Variants in UBE3C observed in about 807,000 individuals in gnomAD.
UBE3C encodes ubiquitin protein ligase E3C, also known as ubiquitin-protein ligase E3C.
UBE3C carries 42 observed loss-of-function variants against 129.4 expected under a neutral mutation model. The ratio of observed to expected loss-of-function variants is 0.32; its 90% CI spans 0.25 to 0.42. The LOEUF is 0.42. UBE3C is among the 10% of genes least tolerant of loss of function. The pLI, the probability that UBE3C is intolerant of heterozygous loss-of-function variation, is 1.00. For synonymous variants in UBE3C, 510 were observed against 492.4 expected, an observed-to-expected ratio of 1.04 and a Z score of -0.47; for missense variants, 1,049 against 1,319.1, an observed-to-expected ratio of 0.80 and a Z score of 3.17.
At chr7:157,207,999 T>A in intron 13 of UBE3C, 64 bp downstream of exon 13, 1 of 1,125,462 alleles carries the variant, frequency 8.9e-7, no homozygotes, top group Non-Finnish European at 1.2e-6. Context: ...TTGTCTTGAC[T>A]CGTTGCAGAG....
In UBE3C at chr7:157,174,938, TAATTAA is replaced by T; in HGVS notation, c.364_369del (p.Ile122_Lys123del). The T allele has an allele frequency of 6.2e-7, 1 of 1,611,386 alleles. No individual in the cohort carries two copies. Among genetic ancestry groups the T allele is most frequent in the Non-Finnish European group, 8.5e-7 (1 of 1,178,968 alleles). ...TTTCAGATATGGCTGTATCAGAACT[TAATTAA>T]ACACAGCTCTCTGTTTGTCAAGCAG... On this transcript the variant is annotated inframe_deletion, in exon 5 of 23. Coordinates refer to ENST00000348165, the MANE Select transcript of UBE3C (RefSeq NM_014671.3).
intron 16 of UBE3C, among the ~76,000 whole-genome samples, chr7:157,224,205 A>AT (rs1338074498): frequency 1.3e-5 from 2 of 150,948 alleles, no homozygotes; most frequent in East Asian, 2.0e-4. Context: ...TTTGTTTTTT[A>AT]TTTTTTTTGA....
chr7:157,237,734 A>G (rs943225240), intron 18 of UBE3C, among the ~76,000 whole-genome samples: 9 of 152,094 alleles, frequency 5.9e-5, no homozygotes, highest in Non-Finnish European at 1.2e-4. Flanking sequence ...TTATTTGTGC[A>G]ATAAAGACAA....
intron 21 of UBE3C, among the ~76,000 whole-genome samples, chr7:157,255,388 C>T (rs1250807312): frequency 6.6e-6 from 1 of 152,174 alleles, no homozygotes; most frequent in Non-Finnish European, 1.5e-5. Flanking sequence ...TCTAAACTTA[C>T]AAAAAATCAT....
At chr7:157,159,598 T>C (rs1808012662) in intron 1 of UBE3C, among the ~76,000 whole-genome samples, 1 of 152,222 alleles carries the variant, frequency 6.6e-6, no homozygotes, top group African/African-American at 2.4e-5. Flanking sequence ...CTGGGTGCGA[T>C]GGCTCATGCC....
At chr7:157,160,785 G>T (rs754069641) in intron 1 of UBE3C, among the ~76,000 whole-genome samples, 2 of 152,090 alleles carry the variant, frequency 1.3e-5, no homozygotes, top group African/African-American at 2.4e-5. Context: ...GTGTTTTTCT[G>T]TTTTCTGCTT....
intron 19 of UBE3C, among the ~76,000 whole-genome samples, chr7:157,251,329 C>G (rs1796616164): frequency 6.6e-6 from 1 of 152,126 alleles, no homozygotes. Flanking sequence ...GGCTGTTAAT[C>G]TGTTTAATAG....
intron 18 of UBE3C, among the ~76,000 whole-genome samples, chr7:157,240,913 A>G (rs1485456310): frequency 6.6e-6 from 1 of 152,240 alleles, no homozygotes; most frequent in Admixed American, 6.5e-5. Context: ...GATGTCACCA[A>G]AAATTATCAC....
At chr7:157,165,752 T>C (rs565188919) in intron 2 of UBE3C, among the ~76,000 whole-genome samples, 1 of 152,342 alleles carries the variant, frequency 6.6e-6, no homozygotes, top group African/African-American at 2.4e-5. Flanking sequence ...ATTTCAGTTC[T>C]AGAATTTTCT....
At chr7:157,189,629 T>G (rs1808899619) in intron 10 of UBE3C, among the ~76,000 whole-genome samples, 1 of 152,196 alleles carries the variant, frequency 6.6e-6, no homozygotes. Context: ...TCCTGGCCTT[T>G]GTGTGTATTT....
chr7:157,182,326 T>A lies in UBE3C; in HGVS notation c.989T>A (p.Leu330Ter). ...GTTTTAACTGTTGGCGAAAATTATTTGGGTATGAAATACAAGATCTTTTTT... is the reference window on the plus strand; with the variant it reads ...GTTTTAACTGTTGGCGAAAATTATTAGGGTATGAAATACAAGATCTTTTTT... ...YFVLTVGENY[L>*]GALSEEGLLV... The change falls in exon 8 of 23, where the codon TTG becomes TAG. Residue 330 changes from leucine to a stop codon, truncating the protein, a stop_gained and splice_region_variant. Coordinates refer to ENST00000348165, the MANE Select transcript of UBE3C (RefSeq NM_014671.3). LOFTEE classifies it high-confidence loss of function. 1 of 1,613,258 alleles carries A rather than the reference T, an allele frequency of 6.2e-7. No individual in the cohort carries two copies. The highest frequency in any genetic ancestry group is 8.5e-7 in the Non-Finnish European group (1 of 1,179,826).
In UBE3C at chr7:157,171,708, T is replaced by A. The variant is rs1259591158; in HGVS notation, c.342+1258T>A. ...TATATTTTTTTTTTTTTTTTTTTTTTTTTTTTTTTTTTTTTTGAGACAGAG... is the reference window on the plus strand; with the variant it reads ...TATATTTTTTTTTTTTTTTTTTTTTATTTTTTTTTTTTTTTTGAGACAGAG... On this transcript the variant is annotated intron_variant, in intron 4 of 22. Coordinates refer to ENST00000348165, the MANE Select transcript of UBE3C (RefSeq NM_014671.3). Among the ~76,000 whole-genome samples the A allele has an allele frequency of 5.5e-3, 289 of 52,192 alleles. 16 individuals carry two copies. Among genetic ancestry groups the A allele is most frequent in the African/African-American group, 0.022 (179 of 8,036 alleles). The allele number at this position is 52,192 out of a possible 152,430, so 34.2% of individuals were successfully genotyped here.
At chr7:157,254,209 A>G in intron 20 of UBE3C, 35 bp from the exon 21 acceptor site, 2 of 1,609,744 alleles carry the variant, frequency 1.2e-6, no homozygotes, top group Non-Finnish European at 1.7e-6. Flanking sequence ...CTTAAAATTT[A>G]CCTCAAATGT....
At chr7:157,229,954 G>A (rs1235667143) in intron 17 of UBE3C, among the ~76,000 whole-genome samples, 1 of 151,530 alleles carries the variant, frequency 6.6e-6, no homozygotes, top group Non-Finnish European at 1.5e-5. Flanking sequence ...TGTCACGCAG[G>A]TTGGGATGCA....
intron 22 of UBE3C, among the ~76,000 whole-genome samples, chr7:157,259,404 C>T (rs1172294116): frequency 2.0e-5 from 3 of 152,288 alleles, no homozygotes; most frequent in South Asian, 2.1e-4. Flanking sequence ...GCAGCCCCAC[C>T]GTTGGGAGTG....
chr7:157,241,528 C>T lies in UBE3C; in HGVS notation c.2482-6840C>T, dbSNP rs374166109. 2.0e-5 allele frequency among the ~76,000 whole-genome samples: 3 copies of T among 152,332 alleles called. No individual in the cohort carries two copies. The South Asian group carries it at 6.2e-4, about 32-fold the overall frequency. ...ATAGCCACAGGCTGCCGCGCACACC[C>T]GCGAGTACGGCGGGAATCAAACCAG... is the stretch of plus-strand genomic sequence containing the variant. On this transcript the variant is annotated intron_variant, in intron 18 of 22. Coordinates refer to ENST00000348165, the MANE Select transcript of UBE3C (RefSeq NM_014671.3).
At chr7:157,189,856 A>T (rs1808907802) in intron 10 of UBE3C, among the ~76,000 whole-genome samples, 1 of 151,994 alleles carries the variant, frequency 6.6e-6, no homozygotes, top group African/African-American at 2.4e-5. Context: ...GCTGGAGTGC[A>T]GTGGTGTGAA....
intron 1 of UBE3C, among the ~76,000 whole-genome samples, chr7:157,148,787 G>A (rs1325222374): frequency 7.5e-5 from 11 of 146,434 alleles, no homozygotes. Flanking sequence ...CGCCCAGGCT[G>A]GAGTGCAGTA....
Position 157,201,852 on chromosome 7 carries a change from A to G in UBE3C, c.1418+45A>G, listed in dbSNP as rs566085125. Reference sequence around the variant, plus strand: ...ATAAATTGAGCTCAAGGGCACAGGAAGTGGCAGCCTAATCAAAAATGTTGC... The same window carrying G: ...ATAAATTGAGCTCAAGGGCACAGGAGGTGGCAGCCTAATCAAAAATGTTGC... On this transcript the variant is annotated intron_variant, in intron 11 of 22. Coordinates refer to ENST00000348165, the MANE Select transcript of UBE3C (RefSeq NM_014671.3). 337 of 1,503,812 alleles carry G rather than the reference A, an allele frequency of 2.2e-4. 7 individuals carry two copies. The South Asian group carries it at 3.7e-3, about 17-fold the overall frequency. The allele number at this position is 1,503,812 out of a possible 1,614,324, so 93.2% of individuals were successfully genotyped here.
Sources: gnomAD v4.1 joint callset for allele counts (sites outside exome capture counted in the v4.1 genomes callset) on GRCh38, gnomAD v4.1.1 for gene constraint, MANE v1.5 for transcripts, NCBI Gene and HGNC (gene_info 2026-07-23, HGNC 2026-07-21) for gene names.